The following BCKDHB variants were observed in gnomAD, a reference collection of about 807,000 sequenced individuals.
BCKDHB encodes the protein branched chain keto acid dehydrogenase E1 subunit beta.
In BCKDHB, 41 loss-of-function variants were observed where a neutral mutation model predicts 48.5. That is an observed-to-expected ratio of 0.85 (90% confidence interval 0.66 to 1.10). The LOEUF is 1.10. Among genes scored for constraint, BCKDHB ranks in the 50% least tolerant of loss-of-function variants. BCKDHB has a pLI of 0.00. For missense variants in BCKDHB, 496 were observed against 494.2 expected, an observed-to-expected ratio of 1.00 and a Z score of -0.03; for synonymous variants, 201 against 174.8, an observed-to-expected ratio of 1.15 and a Z score of -1.18.
At chr6:80,142,243 C>G (rs569754997) in intron 3 of BCKDHB, among the ~76,000 whole-genome samples, 2 of 151,960 alleles carry the variant, frequency 1.3e-5, no homozygotes, top group South Asian at 4.2e-4. Flanking sequence ...ATTATAAAAT[C>G]AAATAAAATA....
At chr6:80,409,081 C>CTAA in the BCKDHB span, among the ~76,000 whole-genome samples, 8 of 152,184 alleles carry the variant, frequency 5.3e-5, no homozygotes, top group African/African-American at 1.7e-4. Context: ...TGCCTTTCTT[C>CTAA]TTATTGGTTT....
At chr6:80,455,006 G>GA in the BCKDHB span, among the ~76,000 whole-genome samples, 1 of 152,100 alleles carries the variant, frequency 6.6e-6, no homozygotes, top group South Asian at 2.1e-4. Flanking sequence ...ACTTCTGCTG[G>GA]AAAATGTCTT....
chr6:80,186,091 T>C (rs1027480915), intron 6 of BCKDHB, among the ~76,000 whole-genome samples: 1 of 152,166 alleles, frequency 6.6e-6, no homozygotes, highest in African/African-American at 2.4e-5. Flanking sequence ...AGAAGGGGGA[T>C]ACAAGTTTGT....
chr6:80,311,323 T>C (rs983802682), intron 9 of BCKDHB, among the ~76,000 whole-genome samples: 2 of 152,194 alleles, frequency 1.3e-5, no homozygotes, highest in Non-Finnish European at 1.5e-5. Flanking sequence ...GGTATGCCTT[T>C]ATGAGCAATG....
At chr6:80,254,742 G>A (rs1460676363) in intron 8 of BCKDHB, among the ~76,000 whole-genome samples, 1 of 151,970 alleles carries the variant, frequency 6.6e-6, no homozygotes, top group African/African-American at 2.4e-5. Context: ...AAAACTACAA[G>A]ACAAAGAAGG....
At chr6:80,185,188 C>G (rs906198943) in intron 6 of BCKDHB, among the ~76,000 whole-genome samples, 1 of 152,076 alleles carries the variant, frequency 6.6e-6, no homozygotes, top group Non-Finnish European at 1.5e-5. Flanking sequence ...GTTCTTTCTT[C>G]TACTTGTTAT....
At chr6:80,216,705 T>G (rs960330562) in intron 8 of BCKDHB, among the ~76,000 whole-genome samples, 1 of 152,236 alleles carries the variant, frequency 6.6e-6, no homozygotes, top group Non-Finnish European at 1.5e-5. Flanking sequence ...GTTTAACATT[T>G]TAGGTGTAAT....
chr6:80,368,644 C>T, the BCKDHB span, among the ~76,000 whole-genome samples: 1 of 152,000 alleles, frequency 6.6e-6, no homozygotes, highest in South Asian at 2.1e-4. Context: ...CACAACTTTG[C>T]TTTTCAGTTA....
chr6:80,318,314 G>A lies in BCKDHB; in HGVS notation c.1039-25350G>A, dbSNP rs549147388. Among the ~76,000 whole-genome samples, 67 of 152,284 alleles carry A rather than the reference G, an allele frequency of 4.4e-4. No homozygotes were observed. The South Asian group carries it at 7.9e-3, about 18-fold the overall frequency. On this transcript the variant is annotated intron_variant, in intron 9 of 9. Coordinates refer to ENST00000320393, the MANE Select transcript of BCKDHB (RefSeq NM_183050.4). The stretch of plus-strand genomic sequence containing the variant: ...GAAATACAAGCATTGCTGTATGTGG[G>A]ATGGATGTCTGTATATACAGTTGGT...
the BCKDHB span, among the ~76,000 whole-genome samples, chr6:80,366,611 C>T: frequency 2.0e-5 from 3 of 152,134 alleles, no homozygotes; most frequent in African/African-American, 7.2e-5. Context: ...TAAAAATCTC[C>T]CATTTTCTCA....
downstream of BCKDHB, among the ~76,000 whole-genome samples, chr6:80,349,993 G>A (rs890905429): frequency 2.8e-4 from 43 of 151,896 alleles, no homozygotes; most frequent in Non-Finnish European, 4.4e-5. Context: ...GTATACATAA[G>A]TAGTTAAAAC....
the BCKDHB span, among the ~76,000 whole-genome samples, chr6:80,352,181 G>T: frequency 1.3e-5 from 2 of 150,862 alleles, no homozygotes; most frequent in African/African-American, 4.9e-5. Flanking sequence ...GTTTGGCCAT[G>T]TTGCCCAGGC....
In BCKDHB at chr6:80,344,269, TGCTGG is replaced by T; in HGVS notation, c.*467_*471del. 19 of 228,342 alleles carry T rather than the reference TGCTGG, an allele frequency of 8.3e-5. No homozygotes were observed. The highest frequency in any genetic ancestry group is 2.1e-4 in the Admixed American group (4 of 19,234). The allele number at this position is 228,342 out of a possible 1,614,324, so 14.1% of individuals were successfully genotyped here. On this transcript the variant is annotated 3_prime_UTR_variant, in exon 10 of 10. Coordinates refer to ENST00000320393, the MANE Select transcript of BCKDHB (RefSeq NM_183050.4). Reference sequence around the variant, plus strand: ...ATCCACCTGCCTTAGCCTCCCAAAGTGCTGGGATTACAGGCATGAGCCACTGCACC... The same window carrying T: ...ATCCACCTGCCTTAGCCTCCCAAAGTGATTACAGGCATGAGCCACTGCACC...
At chr6:80,378,730 T>A in the BCKDHB span, among the ~76,000 whole-genome samples, 334 of 152,226 alleles carry the variant, frequency 2.2e-3, 3 homozygotes, top group Non-Finnish European at 1.2e-3. Context: ...TCCATAGAGG[T>A]TGAACTAATT....
intron 9 of BCKDHB, among the ~76,000 whole-genome samples, chr6:80,277,220 C>G (rs1053491708): frequency 8.6e-5 from 13 of 151,994 alleles, no homozygotes; most frequent in Admixed American, 5.2e-4. Flanking sequence ...GTATTTTAAG[C>G]AAAGATTTTA....
chr6:80,262,863 T>C (rs1312938153), intron 8 of BCKDHB, among the ~76,000 whole-genome samples: 1 of 152,158 alleles, frequency 6.6e-6, no homozygotes, highest in African/African-American at 2.4e-5. Flanking sequence ...ATTGTAAGTA[T>C]ATCTCACTTC....
At chr6:80,269,566 G>T (rs1777649745) in intron 8 of BCKDHB, among the ~76,000 whole-genome samples, 1 of 151,954 alleles carries the variant, frequency 6.6e-6, no homozygotes, top group African/African-American at 2.4e-5. Flanking sequence ...CCATAGCCCG[G>T]AATCCAGGAA....
intron 9 of BCKDHB, among the ~76,000 whole-genome samples, chr6:80,299,966 T>A (rs1313182155): frequency 6.6e-6 from 1 of 151,800 alleles, no homozygotes; most frequent in African/African-American, 2.4e-5. Context: ...CCATATCACA[T>A]GTAATGACAT....
At chr6:80,232,947 A>G (rs1046485876) in intron 8 of BCKDHB, among the ~76,000 whole-genome samples, 3 of 152,038 alleles carry the variant, frequency 2.0e-5, no homozygotes, top group Non-Finnish European at 4.4e-5. Flanking sequence ...CATAATTTGC[A>G]TAGTAATATG....
Sources: gnomAD v4.1 joint callset for allele counts (sites outside exome capture counted in the v4.1 genomes callset) on GRCh38, gnomAD v4.1.1 for gene constraint, MANE v1.5 for transcripts, NCBI Gene and HGNC (gene_info 2026-07-23, HGNC 2026-07-21) for gene names.